NAPEPLD: variants seen among roughly 807,000 people sequenced by gnomAD.
NAPEPLD encodes the protein N-acyl-phosphatidylethanolamine-hydrolyzing phospholipase D.
NAPEPLD carries 23 observed loss-of-function variants against 38.1 expected under a neutral mutation model. The ratio of observed to expected loss-of-function variants is 0.60; its 90% CI spans 0.43 to 0.86. NAPEPLD has a LOEUF of 0.86. NAPEPLD is among the 40% of genes least tolerant of loss of function. The pLI is 0.00. For synonymous variants in NAPEPLD, 147 were observed against 162.0 expected, an observed-to-expected ratio of 0.91 and a Z score of 0.71; for missense variants, 411 against 476.8, an observed-to-expected ratio of 0.86 and a Z score of 1.28.
At chr7:103,118,853 G>A (rs1275419697) in intron 3 of NAPEPLD, among the ~76,000 whole-genome samples, 1 of 152,214 alleles carries the variant, frequency 6.6e-6, no homozygotes, top group Non-Finnish European at 1.5e-5. Flanking sequence ...TCGCTGCTCT[G>A]AAATAGGTCA....
chr7:103,148,538 T>A (rs1378572658), intron 1 of NAPEPLD, among the ~76,000 whole-genome samples: 3 of 143,868 alleles, frequency 2.1e-5, no homozygotes, highest in African/African-American at 7.7e-5. Context: ...AAGCCCACAA[T>A]AATACCCAAT....
Position 103,100,805 on chromosome 7 carries a change from T to C in NAPEPLD, c.*2624A>G, listed in dbSNP as rs1183157417. ...CAAAATGTAGATAACAAATGAAAAA[T>C]AAAGTGGAACCCACTCAATAAGGTG... On this transcript the variant is annotated 3_prime_UTR_variant, in exon 5 of 5. Coordinates refer to ENST00000465647, the MANE Select transcript of NAPEPLD (RefSeq NM_001122838.3). 1 of 152,122 alleles carries C rather than the reference T, an allele frequency of 6.6e-6. No individual in the cohort carries two copies. Among genetic ancestry groups the C allele is most frequent in the African/African-American group, 2.4e-5 (1 of 41,428 alleles). The allele number at this position is 152,122 out of a possible 1,614,324, so 9.4% of individuals were successfully genotyped here. A position where few individuals can be genotyped will look rare whatever the true frequency, so the allele number is the denominator to read the frequency against.
At chr7:103,120,290 A>C in intron 2 of NAPEPLD, 67 bp from the exon 3 acceptor site, 1 of 1,495,796 alleles carries the variant, frequency 6.7e-7, no homozygotes, top group Non-Finnish European at 8.9e-7. Context: ...ATCATAGTCC[A>C]CATTTTGACC....
intron 1 of NAPEPLD, among the ~76,000 whole-genome samples, chr7:103,147,363 T>C (rs1812776048): frequency 6.6e-6 from 1 of 152,232 alleles, no homozygotes; most frequent in South Asian, 2.1e-4. Context: ...TTTATGTGTA[T>C]GCATTTCAAC....
intron 1 of NAPEPLD, among the ~76,000 whole-genome samples, chr7:103,138,251 GCTTCCAAAAT>G: frequency 6.6e-6 from 1 of 152,106 alleles, no homozygotes; most frequent in Non-Finnish European, 1.5e-5. Flanking sequence ...CCAAAAAAAA[GCTTCCAAAAT>G]GGGACTACTT....
rs148254399 is a variant in NAPEPLD at position 103,134,415 on chromosome 7, C to T, written c.-16-5623G>A. ...CTGTAATCCCAGCACTTTGGCAGGC[C>T]GAGGCAGGTGGATCACCTCAGGTCG... On this transcript the variant is annotated intron_variant, in intron 1 of 4. Transcript: ENST00000465647. 4.8e-3 allele frequency among the ~76,000 whole-genome samples: 730 copies of T among 152,136 alleles called. 6 individuals carry two copies. The highest frequency in any genetic ancestry group is 0.017 in the African/African-American group (685 of 41,508).
intron 2 of NAPEPLD, among the ~76,000 whole-genome samples, chr7:103,124,325 G>C (rs1807308300): frequency 6.6e-6 from 1 of 152,124 alleles, no homozygotes; most frequent in Non-Finnish European, 1.5e-5. Flanking sequence ...AAGTGTGGTA[G>C]TGCATGCCTG....
At position 103,123,938 on chromosome 7, in the gene NAPEPLD, A is replaced by G. The variant is rs545217160; in HGVS notation, c.295-3715T>C. ...TGTGGTGATCTTTTCGTGGGTATAT[A>G]CATATGTCAAAACTCATTAAATTAT... On this transcript the variant is annotated intron_variant, in intron 2 of 4. Coordinates refer to ENST00000465647, the MANE Select transcript of NAPEPLD (RefSeq NM_001122838.3). Among the ~76,000 whole-genome samples the G allele has an allele frequency of 2.0e-5, 3 of 152,304 alleles. No individual in the cohort carries two copies. In the South Asian group the frequency reaches 6.2e-4, roughly 32 times the overall value.
chr7:103,104,818 AT>A (rs1404307765), intron 4 of NAPEPLD, among the ~76,000 whole-genome samples: 2 of 152,218 alleles, frequency 1.3e-5, no homozygotes, highest in Non-Finnish European at 2.9e-5. Flanking sequence ...TTCCTAAATT[AT>A]TTTAAGAGAT....
chr7:103,120,087 A>G lies in NAPEPLD; in HGVS notation c.431T>C (p.Phe144Ser), dbSNP rs1806338846. 1 of 1,614,056 alleles carries G rather than the reference A, an allele frequency of 6.2e-7. No individual in the cohort carries two copies. Among genetic ancestry groups the G allele is most frequent in the South Asian group, 1.1e-5 (1 of 91,088 alleles). ...AGAGCTAAAGATGGGATCCGTGAGA[A>G]ATATGAGCTCATCCATTTCCACCAT... ...TVMVEMDELIFLTDPIFSSRA... is the reference protein window; with the variant it reads ...TVMVEMDELISLTDPIFSSRA... The change falls in exon 3 of 5, where the codon TTT (phenylalanine) becomes TCT (serine). Residue 144 changes from phenylalanine to serine, a missense_variant. Transcript: ENST00000465647.
At chr7:103,131,664 A>AT (rs1808963105) in intron 1 of NAPEPLD, among the ~76,000 whole-genome samples, 3 of 136,434 alleles carry the variant, frequency 2.2e-5, no homozygotes, top group African/African-American at 9.2e-5. Context: ...TCTCAAGGGG[A>AT]AAAAAAAAAA....
chr7:103,143,634 A>G (rs1280404691), intron 1 of NAPEPLD, among the ~76,000 whole-genome samples: 1 of 152,170 alleles, frequency 6.6e-6, no homozygotes, highest in African/African-American at 2.4e-5. Context: ...AGGGTGCCAC[A>G]TCCAAGGAAT....
At chr7:103,144,157 T>C (rs1450333188) in intron 1 of NAPEPLD, among the ~76,000 whole-genome samples, 1 of 152,236 alleles carries the variant, frequency 6.6e-6, no homozygotes, top group Non-Finnish European at 1.5e-5. Context: ...CCAAAGCCCA[T>C]GCTCTTTCCA....
At position 103,149,087 on chromosome 7, in the gene NAPEPLD, G is replaced by A. The variant is rs941785089; in HGVS notation, c.-293C>T. 8.1e-6 allele frequency: 8 copies of A among 985,414 alleles called. No homozygotes were observed. The highest frequency in any genetic ancestry group is 9.6e-6 in the Non-Finnish European group (8 of 830,046). The allele number at this position is 985,414 out of a possible 1,614,324, so 61.0% of individuals were successfully genotyped here. On this transcript the variant is annotated 5_prime_UTR_variant, in exon 1 of 5. Coordinates refer to ENST00000465647, the MANE Select transcript of NAPEPLD (RefSeq NM_001122838.3). ...CGCCGAAGAATTCCAAACCACCCCA[G>A]GCTCAGCAGTGTGGATTGCTCCGCC...
intron 1 of NAPEPLD, among the ~76,000 whole-genome samples, chr7:103,138,901 A>G (rs1051847699): frequency 2.6e-5 from 4 of 152,230 alleles, no homozygotes; most frequent in African/African-American, 4.8e-5. Flanking sequence ...TGCACCAAAG[A>G]GCCAGCTCAG....
chr7:103,119,989 G>A lies in NAPEPLD; in HGVS notation c.529C>T (p.Pro177Ser), dbSNP rs138236364. The A allele has an allele frequency of 1.6e-5, 26 of 1,614,084 alleles. No individual in the cohort carries two copies. The highest frequency in any genetic ancestry group is 2.1e-5 in the Non-Finnish European group (25 of 1,180,042). Residue 177 changes from proline (P) to serine (S), a missense_variant, in exon 3 of 5, where the codon CCA (proline) becomes TCA (serine). Pro to Ser is a moderately conservative substitution (Grantham distance 74, BLOSUM62 -1). Transcript: ENST00000465647. ...RSPCTISELP[P>S]IDAVLISHNH... is the part of the protein sequence containing the mutation. The stretch of plus-strand genomic sequence containing the variant: ...TGACTGATAAGGACCGCATCTATTG[G>A]AGGGAGTTCACTTATTGTGCACGGG...
intron 2 of NAPEPLD, among the ~76,000 whole-genome samples, chr7:103,124,902 G>A (rs756116872): frequency 6.6e-6 from 1 of 152,170 alleles, no homozygotes; most frequent in African/African-American, 2.4e-5. Context: ...CTTTCACTAA[G>A]CCATGCTCCT....
intron 1 of NAPEPLD, among the ~76,000 whole-genome samples, chr7:103,143,614 T>C (rs1347672956): frequency 6.6e-6 from 1 of 152,168 alleles, no homozygotes; most frequent in Non-Finnish European, 1.5e-5. Flanking sequence ...TGGAGCCATC[T>C]TGAGCCAGGA....
At position 103,120,701 on chromosome 7, in the gene NAPEPLD, C is replaced by CTTTTTTTTTTTTTTT. The variant is rs869141133; in HGVS notation, c.295-493_295-479dup. Reference sequence around the variant, plus strand: ...CATGAATCATGAATCTGATATTTTTCTTTTTTTTTTTTTTTTTTTTTTTTT... The same window carrying CTTTTTTTTTTTTTTT: ...CATGAATCATGAATCTGATATTTTTCTTTTTTTTTTTTTTTTTTTTTTTTTTTTTTTTTTTTTTTT... On this transcript the variant is annotated intron_variant, in intron 2 of 4. Transcript: ENST00000465647. 4.5e-4 allele frequency among the ~76,000 whole-genome samples: 37 copies of CTTTTTTTTTTTTTTT among 82,530 alleles called. 5 individuals carry two copies. The highest frequency in any genetic ancestry group is 5.4e-4 in the African/African-American group (12 of 22,134). 54.1% of individuals were successfully genotyped at this position (82,530 alleles called of 152,430 possible). A position where few individuals can be genotyped will look rare whatever the true frequency, so the allele number is the denominator to read the frequency against.
Sources: gnomAD v4.1 joint callset for allele counts (sites outside exome capture counted in the v4.1 genomes callset) on GRCh38, gnomAD v4.1.1 for gene constraint, MANE v1.5 for transcripts, NCBI Gene and HGNC (gene_info 2026-07-23, HGNC 2026-07-21) for gene names.